The following CAMK2A variants were observed in gnomAD, a reference collection of about 807,000 sequenced individuals.
The protein encoded by CAMK2A is calcium/calmodulin dependent protein kinase II alpha.
CAMK2A carries 7 observed loss-of-function variants against 79.2 expected under a neutral mutation model. That is an observed-to-expected ratio of 0.09 (90% CI 0.05 to 0.17). The LOEUF (loss-of-function observed/expected upper bound fraction) is 0.17, where lower values mean the gene tolerates loss of function less well. Among genes scored for constraint, CAMK2A ranks in the 10% least tolerant of loss-of-function variants. The pLI is 1.00. For synonymous variants in CAMK2A, 242 were observed against 251.7 expected (o/e 0.96, Z 0.36); for missense variants, 214 against 646.4 (o/e 0.33, Z 7.25).
chr5:150,265,392 G>T, intron 2 of CAMK2A: 1 of 193,624 alleles, frequency 5.2e-6, no homozygotes, highest in Non-Finnish European at 1.1e-5. Flanking sequence ...GGAGAGAATT[G>T]CACATGCGGT....
intron 1 of CAMK2A, among the ~76,000 whole-genome samples, chr5:150,276,973 C>A (rs1250743475): frequency 6.6e-6 from 1 of 152,160 alleles, no homozygotes; most frequent in African/African-American, 2.4e-5. Flanking sequence ...CTCACGCCCG[C>A]AATCCCAGCA....
intron 12 of CAMK2A, among the ~76,000 whole-genome samples, chr5:150,246,530 A>T (rs1436421561): frequency 1.3e-5 from 2 of 152,182 alleles, no homozygotes; most frequent in Admixed American, 6.5e-5. Context: ...AAAAATTTTT[A>T]AAACACCCCT....
chr5:150,230,218 T>G (rs1754778214), intron 16 of CAMK2A, among the ~76,000 whole-genome samples: 1 of 145,134 alleles, frequency 6.9e-6, no homozygotes, highest in African/African-American at 2.6e-5. Context: ...CTCAGGAGGC[T>G]GAGGCAGGAG....
At chr5:150,230,739 T>G (rs1370680171) in intron 16 of CAMK2A, among the ~76,000 whole-genome samples, 1 of 152,254 alleles carries the variant, frequency 6.6e-6, no homozygotes, top group Non-Finnish European at 1.5e-5. Context: ...CAGGTGTGTA[T>G]GTGATGTCTC....
At chr5:150,277,577 C>T (rs1757004749) in intron 1 of CAMK2A, among the ~76,000 whole-genome samples, 1 of 152,234 alleles carries the variant, frequency 6.6e-6, no homozygotes, top group Non-Finnish European at 1.5e-5. Context: ...AAATTAGAGG[C>T]TCCTCACTGA....
intron 15 of CAMK2A, among the ~76,000 whole-genome samples, chr5:150,236,181 G>T (rs569814846): frequency 6.6e-6 from 1 of 152,292 alleles, no homozygotes; most frequent in Non-Finnish European, 1.5e-5. Flanking sequence ...CAGGGATGCA[G>T]CCCAAAGCCA....
intron 1 of CAMK2A, among the ~76,000 whole-genome samples, chr5:150,278,056 T>C (rs1448922059): frequency 6.6e-6 from 1 of 152,240 alleles, no homozygotes; most frequent in Non-Finnish European, 1.5e-5. Context: ...CACCCCCAAC[T>C]GTGTGACGCT....
At position 150,255,273 on chromosome 5, in the gene CAMK2A, G is replaced by A. The variant is rs76604065; in HGVS notation, c.411+1300C>T. ...GGAGACCCTCTTGGAGTGCACACTC[G>A]TCTCATCTAGACTGAGCCACAGGGA... On this transcript the variant is annotated intron_variant, in intron 6 of 18. Transcript: ENST00000671881. Among the ~76,000 whole-genome samples the A allele has an allele frequency of 9.8e-3, 1,487 of 152,328 alleles. 31 individuals carry two copies. Among genetic ancestry groups the A allele is most frequent in the East Asian group, 0.085 (441 of 5,186 alleles).
intron 13 of CAMK2A, among the ~76,000 whole-genome samples, chr5:150,240,141 G>A (rs2114043049): frequency 6.6e-6 from 1 of 152,298 alleles, no homozygotes. Flanking sequence ...CTGGAAGTGA[G>A]GCCCAATGTC....
At chr5:150,285,667 G>A (rs190556510) in intron 1 of CAMK2A, among the ~76,000 whole-genome samples, 20 of 152,184 alleles carry the variant, frequency 1.3e-4, no homozygotes, top group Admixed American at 8.5e-4. Context: ...CTGCAGCCTT[G>A]GCAACCCCTT....
Position 150,253,496 on chromosome 5 carries a change from C to T in CAMK2A, c.462G>A (p.Leu154=), listed in dbSNP as rs370266511. 69 of 1,614,258 alleles carry T rather than the reference C, an allele frequency of 4.3e-5. No homozygotes were observed. The highest frequency in any genetic ancestry group is 5.5e-5 in the Non-Finnish European group (65 of 1,180,038). The change falls in exon 7 of 19, where the codon CTG becomes CTA. Residue 154 remains leucine (L), a synonymous_variant. Coordinates refer to ENST00000671881, the MANE Select transcript of CAMK2A (RefSeq NM_015981.4). ...CCTCTATGGCCAGGCCAAAGTCTGC[C>T]AGCTTCACTGCGGCACCCTTGAGCT... ...ASKLKGAAVK[L]ADFGLAIEVE...
At chr5:150,226,808 G>GTTTTT (rs376905399) in intron 17 of CAMK2A, among the ~76,000 whole-genome samples, 3 of 134,094 alleles carry the variant, frequency 2.2e-5, no homozygotes, top group Admixed American at 7.5e-5. Context: ...TTTGTTTTTT[G>GTTTTT]TGTTTTTTTT....
intron 6 of CAMK2A, among the ~76,000 whole-genome samples, chr5:150,255,138 T>C (rs1756000194): frequency 6.6e-6 from 1 of 152,236 alleles, no homozygotes; most frequent in Admixed American, 6.5e-5. Context: ...CTAATTATTA[T>C]ATCCAGAGTG....
chr5:150,274,617 G>C (rs1425922859), intron 1 of CAMK2A, among the ~76,000 whole-genome samples: 1 of 152,200 alleles, frequency 6.6e-6, no homozygotes, highest in Non-Finnish European at 1.5e-5. Context: ...AGTCTCCTGG[G>C]CAGGCTTCCC....
chr5:150,239,598 G>A, intron 14 of CAMK2A, 106 bp downstream of exon 14: 3 of 1,002,628 alleles, frequency 3.0e-6, no homozygotes, highest in Admixed American at 3.5e-5. Context: ...CACGCCCTGA[G>A]CACCCTCTCC....
Position 150,250,727 on chromosome 5 carries a change from G to A in CAMK2A, c.777C>T (p.Arg259=), listed in dbSNP as rs1438833586. 4 of 1,614,014 alleles carry A rather than the reference G, an allele frequency of 2.5e-6. No homozygotes were observed. Among genetic ancestry groups the A allele is most frequent in the Non-Finnish European group, 3.4e-6 (4 of 1,180,014 alleles). The change falls in exon 10 of 19, where the codon CGC becomes CGT. Residue 259 remains arginine, a synonymous_variant. Transcript: ENST00000671881. The part of the protein sequence containing the change: ...NKMLTINPSK[R]ITAAEALKHP... ...GCTTAAGGGCTTCGGCAGCTGTGAT[G>A]CGTTTGGATGGGTTAATGGTCAGCA...
intron 3 of CAMK2A, among the ~76,000 whole-genome samples, chr5:150,264,409 G>T (rs577213038): frequency 6.6e-6 from 1 of 152,230 alleles, no homozygotes; most frequent in African/African-American, 2.4e-5. Context: ...AAGAAGGGGG[G>T]CCAGGCAGCG....
At chr5:150,235,062 T>C (rs963118048) in intron 15 of CAMK2A, among the ~76,000 whole-genome samples, 1 of 152,176 alleles carries the variant, frequency 6.6e-6, no homozygotes, top group African/African-American at 2.4e-5. Context: ...GTGCACACAA[T>C]ATCAGGTGTG....
chr5:150,250,866 T>A (rs1263027830), intron 9 of CAMK2A, 56 bp from the exon 10 acceptor site: 2 of 1,595,568 alleles, frequency 1.3e-6, no homozygotes, highest in Non-Finnish European at 1.7e-6. Context: ...ACCCCTGCGA[T>A]CCCCCAGCCC....
Sources: allele counts gnomAD v4.1 joint callset (sites outside exome capture counted in the v4.1 genomes callset), GRCh38; gene constraint gnomAD v4.1.1; transcripts MANE v1.5; gene names NCBI Gene and HGNC (gene_info 2026-07-23, HGNC 2026-07-21).